NANOS3: variants seen among roughly 807,000 people sequenced by gnomAD.
The protein encoded by NANOS3 is nanos homolog 3.
A neutral mutation model predicts 13.8 loss-of-function variants in NANOS3; 11 were observed. The ratio of observed to expected loss-of-function variants is 0.80; its 90% CI spans 0.50 to 1.32. The LOEUF (loss-of-function observed/expected upper bound fraction) is 1.32, where lower values mean the gene tolerates loss of function less well. Ranked by LOEUF, NANOS3 falls within the 40% of genes most tolerant of loss-of-function variation. The pLI is 0.00. For synonymous variants in NANOS3, 119 were observed against 115.4 expected (o/e 1.03, Z -0.20); for missense variants, 221 against 263.8 (o/e 0.84, Z 1.12).
At chr19:13,879,083 G>T (rs555005277) in intron 1 of NANOS3, among the ~76,000 whole-genome samples, 1 of 152,138 alleles carries the variant, frequency 6.6e-6, no homozygotes, top group South Asian at 2.1e-4. Context: ...GGGATTACAG[G>T]CACCCACCAC....
rs757240907 is a variant in NANOS3, at chr19:13,877,570, C to T, written c.322C>T (p.Arg108Trp). The T allele has an allele frequency of 3.1e-6, 5 of 1,612,130 alleles. No individual in the cohort carries two copies. Among genetic ancestry groups the T allele is most frequent in the Non-Finnish European group, 4.2e-6 (5 of 1,179,996 alleles). The change falls in exon 1 of 2, where the codon CGG becomes TGG. Residue 108 changes from arginine (R) to tryptophan (W), a missense_variant. By Grantham distance (101) the Arg-to-Trp change is moderately radical. Transcript: ENST00000339133. ...TGGCAGGGTGCTGTGTCCCATCCTG[C>T]GGGACTACGTGTGTCCCCAGTGCGG... ...EAGRVLCPIL[R>W]DYVCPQCGAT... is the part of the protein sequence containing the mutation.
upstream of NANOS3, chr19:13,874,725 A>G (rs1322838123): frequency 1.9e-6 from 1 of 533,672 alleles, no homozygotes; most frequent in Non-Finnish European, 3.9e-6. Context: ...GGTTTGGGGG[A>G]ACATTCAACC....
intron 1 of NANOS3, among the ~76,000 whole-genome samples, chr19:13,869,665 T>C (rs1343354121): frequency 2.6e-5 from 4 of 151,720 alleles, no homozygotes; most frequent in South Asian, 4.2e-4. Flanking sequence ...CACAGGGCTC[T>C]TGGTGTCGCT....
intron 1 of NANOS3, among the ~76,000 whole-genome samples, chr19:13,871,574 G>A (rs1304267475): frequency 1.3e-5 from 2 of 152,174 alleles, no homozygotes; most frequent in African/African-American, 2.4e-5. Context: ...GGCAGTTCAA[G>A]GCCAAAGCCC....
At chr19:13,869,814 AACAC>A (rs1976299211) in intron 1 of NANOS3, among the ~76,000 whole-genome samples, 1 of 151,720 alleles carries the variant, frequency 6.6e-6, no homozygotes, top group Admixed American at 6.6e-5. Context: ...AGTTACATAC[AACAC>A]ACAGACACAC....
chr19:13,878,929 TTC>T (rs1968574011), intron 1 of NANOS3, among the ~76,000 whole-genome samples: 1 of 139,582 alleles, frequency 7.2e-6, no homozygotes, highest in Non-Finnish European at 1.6e-5. Context: ...GAGGTTTTCT[TTC>T]TTTCTTTCTT....
chr19:13,880,543 T>G lies in NANOS3; in HGVS notation c.*40T>G. On this transcript the variant is annotated 3_prime_UTR_variant, in exon 2 of 2. Coordinates refer to ENST00000339133, the MANE Select transcript of NANOS3 (RefSeq NM_001098622.3). Reference sequence around the variant, plus strand: ...CTGGGCAAGGGCACCCGGGCTCGGCTGGATTTCCAGGAAGACCCACCCTAT... The same window carrying G: ...CTGGGCAAGGGCACCCGGGCTCGGCGGGATTTCCAGGAAGACCCACCCTAT... 6.3e-7 allele frequency: 1 copy of G among 1,593,370 alleles called. No homozygotes were observed. Among genetic ancestry groups the G allele is most frequent in the Non-Finnish European group, 8.6e-7 (1 of 1,162,266 alleles).
At chr19:13,880,119 A>G (rs1968601355) in intron 1 of NANOS3, among the ~76,000 whole-genome samples, 1 of 152,218 alleles carries the variant, frequency 6.6e-6, no homozygotes, top group Admixed American at 6.5e-5. Flanking sequence ...CTGGAGGCCA[A>G]AAGGACATAG....
At chr19:13,878,537 C>G (rs1395360165) in intron 1 of NANOS3, among the ~76,000 whole-genome samples, 1 of 151,928 alleles carries the variant, frequency 6.6e-6, no homozygotes, top group Non-Finnish European at 1.5e-5. Context: ...ACATCTGGCC[C>G]GCAGGGTTAT....
intron 1 of NANOS3, among the ~76,000 whole-genome samples, chr19:13,871,039 C>T (rs563597722): frequency 6.6e-6 from 1 of 152,116 alleles, no homozygotes; most frequent in South Asian, 2.1e-4. Context: ...CCCCTACCCC[C>T]CATGCACTGA....
chr19:13,880,455 C>G lies in NANOS3; in HGVS notation c.531C>G (p.Ala177=). Residue 177 remains alanine, a synonymous_variant, in exon 2 of 2, where the codon GCC becomes GCG. Coordinates refer to ENST00000339133, the MANE Select transcript of NANOS3 (RefSeq NM_001098622.3). ...CCCCTCCACTAGGTTTCAGAGGTGC[C>G]GGGAAGTCTGAGCCTTCGCCCTCCT... ...GGGGGAGFRG[A]GKSEPSPSCS... is the part of the protein sequence containing the mutation. The G allele has an allele frequency of 6.2e-7, 1 of 1,613,994 alleles. No individual in the cohort carries two copies. Among genetic ancestry groups the G allele is most frequent in the Middle Eastern group, 1.6e-4 (1 of 6,062 alleles).
At chr19:13,863,215 G>A (rs1283883499), upstream of NANOS3, among the ~76,000 whole-genome samples, 1 of 151,480 alleles carries the variant, frequency 6.6e-6, no homozygotes, top group African/African-American at 2.4e-5. Flanking sequence ...TCCCCAATAC[G>A]CTCTTTTTTT....
chr19:13,877,092 C>A (rs564220673), upstream of NANOS3, among the ~76,000 whole-genome samples: 18 of 152,280 alleles, frequency 1.2e-4, no homozygotes, highest in African/African-American at 2.9e-4. Context: ...CCTCTTCACA[C>A]CCCCTTGGAG....
chr19:13,865,163 G>C (rs1232507884), upstream of NANOS3, among the ~76,000 whole-genome samples: 3 of 151,300 alleles, frequency 2.0e-5, no homozygotes, highest in Non-Finnish European at 3.0e-5. Flanking sequence ...CCCACCGCCC[G>C]GCGCGGCGCG....
At chr19:13,871,364 C>T (rs1031567069) in intron 1 of NANOS3, among the ~76,000 whole-genome samples, 3 of 152,178 alleles carry the variant, frequency 2.0e-5, no homozygotes, top group Non-Finnish European at 4.4e-5. Flanking sequence ...GACCAAGAGA[C>T]AGGTGGACCC....
At chr19:13,867,722 C>T (rs1170348027) in intron 1 of NANOS3, among the ~76,000 whole-genome samples, 1 of 152,056 alleles carries the variant, frequency 6.6e-6, no homozygotes, top group African/African-American at 2.4e-5. Context: ...TATACACACA[C>T]ATACAGACCA....
Position 13,880,723 on chromosome 19 carries a change from G to A in NANOS3, c.*220G>A. The A allele has an allele frequency of 1.7e-6, 1 of 576,820 alleles. No individual in the cohort carries two copies. The highest frequency in any genetic ancestry group is 3.1e-6 in the Non-Finnish European group (1 of 323,566). The allele number at this position is 576,820 out of a possible 1,614,324, so 35.7% of individuals were successfully genotyped here. A position where few individuals can be genotyped will look rare whatever the true frequency, so the allele number is the denominator to read the frequency against. The stretch of plus-strand genomic sequence containing the variant: ...TTCCCTAGTGCTGGGCATCCAGTCA[G>A]CCCTCAATAAATGCTTATGAATGGA... On this transcript the variant is annotated 3_prime_UTR_variant, in exon 2 of 2. Coordinates refer to ENST00000339133, the MANE Select transcript of NANOS3 (RefSeq NM_001098622.3).
upstream of NANOS3, among the ~76,000 whole-genome samples, chr19:13,863,920 A>T (rs764158249): frequency 3.8e-4 from 58 of 151,984 alleles, no homozygotes; most frequent in Non-Finnish European, 6.6e-4. Flanking sequence ...GGGGTGCGCG[A>T]TCAGGTGGGG....
At chr19:13,875,209 CAG>C (rs1299283640), upstream of NANOS3, among the ~76,000 whole-genome samples, 4 of 146,720 alleles carry the variant, frequency 2.7e-5, no homozygotes, top group African/African-American at 7.6e-5. Context: ...TTTTTTAAGA[CAG>C]AGTCTCACTC....
Sources: gnomAD v4.1 joint callset for allele counts (sites outside exome capture counted in the v4.1 genomes callset) on GRCh38, gnomAD v4.1.1 for gene constraint, MANE v1.5 for transcripts, NCBI Gene and HGNC (gene_info 2026-07-23, HGNC 2026-07-21) for gene names.